Variants in ARHGEF12 observed in about 807,000 individuals in gnomAD.
ARHGEF12 encodes Rho guanine nucleotide exchange factor 12.
Under a neutral mutation model 211.2 loss-of-function variants are expected in ARHGEF12, and 66 were observed. The ratio of observed to expected loss-of-function variants is 0.31; its 90% CI spans 0.26 to 0.38. ARHGEF12 has a LOEUF of 0.38. Among genes scored for constraint, ARHGEF12 ranks in the 10% least tolerant of loss-of-function variants. The probability of loss-of-function intolerance (pLI) is 1.00; values close to 1 mark genes in which losing one functional copy is unlikely to be tolerated. For synonymous variants in ARHGEF12, 592 were observed against 638.4 expected (o/e 0.93, Z 1.09); for missense variants, 1,429 against 1,869.5 (o/e 0.76, Z 4.34).
intron 3 of ARHGEF12, chr11:120,409,157 GTGT>G (rs962078174): frequency 2.0e-6 from 1 of 504,392 alleles, no homozygotes; most frequent in African/African-American, 1.9e-5. Context: ...TACTATTCAT[GTGT>G]TGTTTTGTTT....
chr11:120,404,184 T>C (rs61900794), intron 1 of ARHGEF12, among the ~76,000 whole-genome samples: 24,102 of 152,216 alleles, frequency 0.16, 2,601 homozygotes, highest in Non-Finnish European at 0.23. Context: ...CAGGCTTTCT[T>C]TGAGGTTCTA....
intron 7 of ARHGEF12, among the ~76,000 whole-genome samples, chr11:120,426,655 A>T (rs889555231): frequency 6.6e-6 from 1 of 152,232 alleles, no homozygotes; most frequent in African/African-American, 2.4e-5. Flanking sequence ...AAGTGTTTAT[A>T]TGTAAAATTC....
intron 22 of ARHGEF12, among the ~76,000 whole-genome samples, chr11:120,454,613 G>T (rs113229899): frequency 5.9e-5 from 9 of 151,350 alleles, no homozygotes; most frequent in Non-Finnish European, 4.4e-5. Context: ...CGTGGGTCTC[G>T]GTTGGAGTCT....
At position 120,486,257 on chromosome 11, in the gene ARHGEF12, G is replaced by A. The variant is rs1233114962; in HGVS notation, c.*1180G>A. The A allele has an allele frequency of 4.3e-6, 1 of 233,476 alleles. No individual in the cohort carries two copies. The highest frequency in any genetic ancestry group is 1.8e-4 in the South Asian group (1 of 5,524). The allele number at this position is 233,476 out of a possible 1,614,324, so 14.5% of individuals were successfully genotyped here. A position where few individuals can be genotyped will look rare whatever the true frequency, so the allele number is the denominator to read the frequency against. ...CACTGATGGTGCCAAAGGGCCCTGA[G>A]TCAAAAGGATAGCCAAGGGTGGAGT... On this transcript the variant is annotated 3_prime_UTR_variant, in exon 41 of 41. Coordinates refer to ENST00000397843, the MANE Select transcript of ARHGEF12 (RefSeq NM_015313.3).
intron 4 of ARHGEF12, chr11:120,410,293 G>GTTTTTTTTTTTTTGTT (rs1944841974): frequency 7.0e-6 from 1 of 143,256 alleles, no homozygotes. Flanking sequence ...TTGTTTTGGG[G>GTTTTTTTTTTTTTGTT]TTTTTTTTTT....
intron 1 of ARHGEF12, among the ~76,000 whole-genome samples, chr11:120,387,405 T>C (rs1399443772): frequency 6.6e-6 from 1 of 152,108 alleles, no homozygotes; most frequent in African/African-American, 2.4e-5. Context: ...TATGCAGTTA[T>C]AAACTAATTT....
In ARHGEF12 at chr11:120,474,632, A is replaced by C. The variant is rs1395371294; in HGVS notation, c.3106A>C (p.Ile1036Leu). 6.2e-7 allele frequency: 1 copy of C among 1,609,336 alleles called. No homozygotes were observed. The highest frequency in any genetic ancestry group is 8.5e-7 in the Non-Finnish European group (1 of 1,178,488). The change falls in exon 32 of 41, where the codon ATT (isoleucine) becomes CTT (leucine). Residue 1036 changes from isoleucine (I) to leucine (L), a missense_variant. By Grantham distance (5) the Ile-to-Leu change is conservative (BLOSUM62 2). Coordinates refer to ENST00000397843, the MANE Select transcript of ARHGEF12 (RefSeq NM_015313.3). Reference protein sequence around the residue: ...LVWKVNRDKTIDLYTLLLEDI... With the variant: ...LVWKVNRDKTLDLYTLLLEDI... The stretch of plus-strand genomic sequence containing the variant: ...TTGGAAGGTGAATAGAGATAAAACT[A>C]TTGGTAGGTCTGATATTGTCTTTTA...
rs374320452 is a variant in ARHGEF12 at position 120,487,237 on chromosome 11, T to C, written c.*2160T>C. 94 of 218,566 alleles carry C rather than the reference T, an allele frequency of 4.3e-4. No individual in the cohort carries two copies. Among genetic ancestry groups the C allele is most frequent in the African/African-American group, 2.0e-3 (89 of 44,670 alleles). 13.5% of individuals were successfully genotyped at this position (218,566 alleles called of 1,614,324 possible). A position where few individuals can be genotyped will look rare whatever the true frequency, so the allele number is the denominator to read the frequency against. Reference sequence around the variant, plus strand: ...ATTTCAGTTTCTCTAGTTCAGCCAGTGTCTTGTCCTTAGTAATTATTTGCT... The same window carrying C: ...ATTTCAGTTTCTCTAGTTCAGCCAGCGTCTTGTCCTTAGTAATTATTTGCT... On this transcript the variant is annotated 3_prime_UTR_variant, in exon 41 of 41. Transcript: ENST00000397843.
chr11:120,453,639 C>A (rs899295151), intron 22 of ARHGEF12, among the ~76,000 whole-genome samples: 1 of 152,138 alleles, frequency 6.6e-6, no homozygotes, highest in Non-Finnish European at 1.5e-5. Context: ...ATCACTTGAT[C>A]CTAGGAAGAC....
At position 120,347,567 on chromosome 11, in the gene ARHGEF12, C is replaced by T. The variant is rs554045061; in HGVS notation, c.32+10292C>T. 5.9e-5 allele frequency among the ~76,000 whole-genome samples: 9 copies of T among 152,252 alleles called. No individual in the cohort carries two copies. In the East Asian group the frequency reaches 1.5e-3, roughly 26 times the overall value. On this transcript the variant is annotated intron_variant, in intron 1 of 40. Coordinates refer to ENST00000397843, the MANE Select transcript of ARHGEF12 (RefSeq NM_015313.3). ...GGATCTATCATATCTTTAAGATGAT[C>T]TCTAAGATGATATAAAAGTAAAGAA...
chr11:120,397,810 T>C (rs190106575), intron 1 of ARHGEF12, among the ~76,000 whole-genome samples: 1 of 152,306 alleles, frequency 6.6e-6, no homozygotes, highest in Admixed American at 6.5e-5. Flanking sequence ...TGTAAACATA[T>C]GTTGATATTT....
rs144068904 is a variant in ARHGEF12, at chr11:120,354,842, C to T, written c.32+17567C>T. ...CTAACATGCAAAAGGCAGTGCTCTT[C>T]GAAGGAGTCGTATAGATGTGGAGAC... is the stretch of plus-strand genomic sequence containing the variant. On this transcript the variant is annotated intron_variant, in intron 1 of 40. Transcript: ENST00000397843. Among the ~76,000 whole-genome samples, 1,467 of 152,282 alleles carry T rather than the reference C, an allele frequency of 9.6e-3. 9 individuals are homozygous for T. The highest frequency in any genetic ancestry group is 0.061 in the Middle Eastern group (18 of 294).
At chr11:120,407,636 T>C in intron 2 of ARHGEF12, 102 bp from the exon 3 acceptor site, 1 of 838,058 alleles carries the variant, frequency 1.2e-6, no homozygotes, top group South Asian at 1.7e-5. Flanking sequence ...TAAAGTAAAC[T>C]GATTTCCTGG....
intron 31 of ARHGEF12, 139 bp from the exon 32 acceptor site, chr11:120,474,421 A>C (rs1409128477): frequency 1.7e-6 from 1 of 576,624 alleles, no homozygotes; most frequent in African/African-American, 1.9e-5. Context: ...TCAAGAACTG[A>C]CAAATAGCAA....
rs1205741944 is a variant in ARHGEF12, at chr11:120,347,262, CTCTCTGTCTG to C, written c.32+9989_32+9998del. Among the ~76,000 whole-genome samples, 669 of 117,678 alleles carry C rather than the reference CTCTCTGTCTG, an allele frequency of 5.7e-3. 10 individuals carry two copies. The highest frequency in any genetic ancestry group is 0.021 in the African/African-American group (619 of 30,080). The allele number at this position is 117,678 out of a possible 152,430, so 77.2% of individuals were successfully genotyped here. On this transcript the variant is annotated intron_variant, in intron 1 of 40. Coordinates refer to ENST00000397843, the MANE Select transcript of ARHGEF12 (RefSeq NM_015313.3). ...TCTCTCTGTTTCTCTCTCTCTCTCT[CTCTCTGTCTG>C]TGTGTGTGTGTGTGTGTGTGTGTGT...
chr11:120,422,817 CTCTAA>C (rs528622231), intron 6 of ARHGEF12, among the ~76,000 whole-genome samples: 200 of 152,212 alleles, frequency 1.3e-3, no homozygotes, highest in Middle Eastern at 0.01. Flanking sequence ...ATGTATATGA[CTCTAA>C]TCTAGATATA....
chr11:120,424,531 C>CCACA, intron 7 of ARHGEF12, 116 bp downstream of exon 7: 1 of 687,756 alleles, frequency 1.5e-6, no homozygotes, highest in Non-Finnish European at 2.4e-6. Flanking sequence ...ACTATATAGT[C>CCACA]TACTGCCGAC....
chr11:120,367,115 G>C (rs1943445597), intron 1 of ARHGEF12, among the ~76,000 whole-genome samples: 1 of 152,098 alleles, frequency 6.6e-6, no homozygotes, highest in East Asian at 1.9e-4. Flanking sequence ...TATTGCATCT[G>C]ATTCTTTTGG....
chr11:120,348,395 G>A (rs926678098), intron 1 of ARHGEF12, among the ~76,000 whole-genome samples: 3 of 152,266 alleles, frequency 2.0e-5, no homozygotes, highest in African/African-American at 7.2e-5. Flanking sequence ...AGTATGGGTC[G>A]AGTAGCTCTA....
Sources: allele counts gnomAD v4.1 joint callset (sites outside exome capture counted in the v4.1 genomes callset), GRCh38; gene constraint gnomAD v4.1.1; transcripts MANE v1.5; gene names NCBI Gene and HGNC (gene_info 2026-07-23, HGNC 2026-07-21).